Variants in PINK1 observed in about 807,000 individuals in gnomAD.
PINK1 encodes serine/threonine-protein kinase PINK1, mitochondrial.
A neutral mutation model predicts 56.0 loss-of-function variants in PINK1; 58 were observed. The observed-to-expected ratio is 1.04, with a 90% CI of 0.84 to 1.29. The LOEUF is 1.29. PINK1 is among the 50% of genes most tolerant of loss of function. The probability of loss-of-function intolerance (pLI) is 0.00; values close to 1 mark genes in which losing one functional copy is unlikely to be tolerated. For synonymous variants in PINK1, 354 were observed against 339.3 expected (o/e 1.04, Z -0.48); for missense variants, 745 against 777.9 (o/e 0.96, Z 0.50).
In PINK1 at chr1:20,650,437, C is replaced by CCAT. The variant is rs757382757; in HGVS notation, c.1494_1496dup (p.Ser499dup). 6.2e-7 allele frequency: 1 copy of CCAT among 1,613,936 alleles called. No individual in the cohort carries two copies. The highest frequency in any genetic ancestry group is 8.5e-7 in the Non-Finnish European group (1 of 1,179,898). On this transcript the variant is annotated inframe_insertion, in exon 8 of 8. Coordinates refer to ENST00000321556, the MANE Select transcript of PINK1 (RefSeq NM_032409.3). ...ACAGCTTCCCTTCCTGTTGCAGAGA[C>CCAT]CATCTGCCCGAGTAGCCGCAAATGT...
At chr1:20,644,225 C>G (rs1328875216) in intron 3 of PINK1, among the ~76,000 whole-genome samples, 3 of 152,118 alleles carry the variant, frequency 2.0e-5, no homozygotes, top group Admixed American at 2.0e-4. Flanking sequence ...TGTGTTCTGC[C>G]ACATGGGATG....
chr1:20,639,535 T>C, intron 2 of PINK1: 1 of 354,356 alleles, frequency 2.8e-6, no homozygotes, highest in Non-Finnish European at 5.5e-6. Flanking sequence ...GAAGGGAGCC[T>C]GCAGAATGAG....
chr1:20,633,683 T>A lies in PINK1; in HGVS notation c.135T>A (p.Arg45=). ...CGGCGGGCTGTGTCCGCGGGGAGCG[T>A]CCAGGCTGGGCCGCAGGACCGGGCG... The part of the protein sequence containing the change: ...GPAAGCVRGE[R]PGWAAGPGAE... The change falls in exon 1 of 8, where the codon CGT becomes CGA. Residue 45 remains arginine, a synonymous_variant. Transcript: ENST00000321556. 1 of 1,466,166 alleles carries A rather than the reference T, an allele frequency of 6.8e-7. No homozygotes were observed. The highest frequency in any genetic ancestry group is 9.0e-7 in the Non-Finnish European group (1 of 1,116,604). The allele number at this position is 1,466,166 out of a possible 1,614,324, so 90.8% of individuals were successfully genotyped here. A position where few individuals can be genotyped will look rare whatever the true frequency, so the allele number is the denominator to read the frequency against.
At position 20,633,902 on chromosome 1, in the gene PINK1, C is replaced by T. The variant is rs866159295; in HGVS notation, c.354C>T (p.Ser118=). The T allele has an allele frequency of 3.2e-6, 5 of 1,583,932 alleles. No individual in the cohort carries two copies. Among genetic ancestry groups the T allele is most frequent in the African/African-American group, 2.7e-5 (2 of 74,270 alleles). ...LGLIEEKQAE[S]RRAVSACQEI... ...TCATCGAGGAAAAACAGGCGGAGAGCCGGCGGGCGGTCTCGGCCTGTCAGG... is the reference window on the plus strand; with the variant it reads ...TCATCGAGGAAAAACAGGCGGAGAGTCGGCGGGCGGTCTCGGCCTGTCAGG... Residue 118 remains serine (S), a synonymous_variant, in exon 1 of 8, where the codon AGC becomes AGT. Coordinates refer to ENST00000321556, the MANE Select transcript of PINK1 (RefSeq NM_032409.3).
At chr1:20,635,549 C>A (rs1399212318) in intron 1 of PINK1, among the ~76,000 whole-genome samples, 1 of 150,668 alleles carries the variant, frequency 6.6e-6, no homozygotes, top group Non-Finnish European at 1.5e-5. Context: ...GAATTAATTT[C>A]ACATTTAAAA....
chr1:20,638,569 G>A lies in PINK1; in HGVS notation c.675+440G>A, dbSNP rs2053081139. On this transcript the variant is annotated intron_variant, in intron 2 of 7. Coordinates refer to ENST00000321556, the MANE Select transcript of PINK1 (RefSeq NM_032409.3). ...AAGTGGGAGGATCACTTGAGTGCAA[G>A]AGGCAGAGGCTGCAGTGATCCAAGA... is the stretch of plus-strand genomic sequence containing the variant. 8.1e-5 allele frequency: 21 copies of A among 258,252 alleles called. No homozygotes were observed. In the South Asian group the frequency reaches 9.1e-4, roughly 11 times the overall value. The allele number at this position is 258,252 out of a possible 1,614,324, so 16.0% of individuals were successfully genotyped here. A position where few individuals can be genotyped will look rare whatever the true frequency, so the allele number is the denominator to read the frequency against.
At position 20,644,628 on chromosome 1, in the gene PINK1, T is replaced by A. The variant is rs762673179; in HGVS notation, c.915T>A (p.Pro305=). 1 of 1,614,172 alleles carries A rather than the reference T, an allele frequency of 6.2e-7. No homozygotes were observed. The highest frequency in any genetic ancestry group is 8.5e-7 in the Non-Finnish European group (1 of 1,180,028). Residue 305 remains proline, a synonymous_variant, in exon 4 of 8, where the codon CCT becomes CCA. Coordinates refer to ENST00000321556, the MANE Select transcript of PINK1 (RefSeq NM_032409.3). ...ATGTGCTGCCCTCACGCCTCCACCC[T>A]GAAGGCCTGGGCCATGGCCGGACGC... is the stretch of plus-strand genomic sequence containing the variant. The part of the protein sequence containing the change: ...YPDVLPSRLH[P]EGLGHGRTLF...
chr1:20,634,381 TAACC>T (rs2053033598), intron 1 of PINK1, among the ~76,000 whole-genome samples: 1 of 152,224 alleles, frequency 6.6e-6, no homozygotes, highest in South Asian at 2.1e-4. Context: ...CTCCGCCGTT[TAACC>T]AAAGGATTAG....
At chr1:20,646,463 G>A (rs891939710) in intron 5 of PINK1, among the ~76,000 whole-genome samples, 1 of 151,876 alleles carries the variant, frequency 6.6e-6, no homozygotes, top group African/African-American at 2.4e-5. Flanking sequence ...GGCCAACATG[G>A]TGAAACCCCA....
At chr1:20,645,517 C>A in intron 4 of PINK1, 43 bp from the exon 5 acceptor site, 2 of 1,569,608 alleles carry the variant, frequency 1.3e-6, no homozygotes, top group South Asian at 1.1e-5. Context: ...TATTGGGAGT[C>A]GTCGATGTGT....
intron 3 of PINK1, 27 bp from the exon 4 acceptor site, chr1:20,644,463 A>C: frequency 6.2e-7 from 1 of 1,612,252 alleles, no homozygotes; most frequent in Non-Finnish European, 8.5e-7. Flanking sequence ...TGCTGGCCTC[A>C]TATGTTTGTC....
Position 20,643,065 on chromosome 1 carries a change from C to T in PINK1, c.777-1425C>T, listed in dbSNP as rs922545733. ...TTCCTGCTTCCCTTTGGCCTGCTCA[C>T]CTCTGGCTCCTCATGGCCCCAGTGA... On this transcript the variant is annotated intron_variant, in intron 3 of 7. Transcript: ENST00000321556. The T allele has an allele frequency of 2.4e-4, 36 of 152,536 alleles. 1 individual carries two copies. Among genetic ancestry groups the T allele is most frequent in the African/African-American group, 8.2e-4 (34 of 41,598 alleles). The allele number at this position is 152,536 out of a possible 1,614,324, so 9.4% of individuals were successfully genotyped here.
chr1:20,650,687 T>A lies in PINK1; in HGVS notation c.1742T>A (p.Leu581Gln). 1 of 1,613,552 alleles carries A rather than the reference T, an allele frequency of 6.2e-7. No individual in the cohort carries two copies. The highest frequency in any genetic ancestry group is 8.5e-7 in the Non-Finnish European group (1 of 1,180,002). ...CTCCTCTGCTCATGGAGGGCAGCCC[T>A]GTGATGTCCCTGCATGGAGCTGGTG... Reference protein sequence around the residue: ...ALLLCSWRAAL With the variant: ...ALLLCSWRAAQ Residue 581 changes from leucine to glutamine, a missense_variant, in exon 8 of 8, where the codon CTG becomes CAG. Coordinates refer to ENST00000321556, the MANE Select transcript of PINK1 (RefSeq NM_032409.3).
intron 3 of PINK1, among the ~76,000 whole-genome samples, chr1:20,642,307 T>C (rs559676370): frequency 6.6e-6 from 1 of 152,206 alleles, no homozygotes; most frequent in Non-Finnish European, 1.5e-5. Context: ...TCGACTCATA[T>C]GGAGACAGGA....
At chr1:20,639,525 G>A in intron 2 of PINK1, 1 of 345,384 alleles carries the variant, frequency 2.9e-6, no homozygotes, top group South Asian at 2.5e-5. Flanking sequence ...CCTGGCTGCT[G>A]AAGGGAGCCT....
At chr1:20,642,482 C>A (rs1054237245) in intron 3 of PINK1, among the ~76,000 whole-genome samples, 1 of 152,160 alleles carries the variant, frequency 6.6e-6, no homozygotes, top group East Asian at 1.9e-4. Context: ...ACTCATGGGT[C>A]CCCTGTGCAG....
At chr1:20,634,402 CAG>C (rs1202059119) in intron 1 of PINK1, among the ~76,000 whole-genome samples, 1 of 152,174 alleles carries the variant, frequency 6.6e-6, no homozygotes, top group Non-Finnish European at 1.5e-5. Context: ...TTAGTAGTGA[CAG>C]AGCTGAAACC....
Position 20,650,476 on chromosome 1 carries a change from C to A in PINK1, c.1531C>A (p.Leu511Ile). ...AGCCGCAAATGTGCTTCATCTAAGC[C>A]TCTGGGGTGAACATATTCTAGCCCT... ...RVAANVLHLSLWGEHILALKN... is the reference protein window; with the variant it reads ...RVAANVLHLSIWGEHILALKN... Residue 511 changes from leucine (L) to isoleucine (I), a missense_variant, in exon 8 of 8, where the codon CTC (leucine) becomes ATC (isoleucine). Leu to Ile is a conservative substitution (Grantham distance 5, BLOSUM62 2). Coordinates refer to ENST00000321556, the MANE Select transcript of PINK1 (RefSeq NM_032409.3). The A allele has an allele frequency of 6.2e-7, 1 of 1,614,110 alleles. No homozygotes were observed. Among genetic ancestry groups the A allele is most frequent in the Non-Finnish European group, 8.5e-7 (1 of 1,179,970 alleles).
chr1:20,650,803 T>C lies in PINK1; in HGVS notation c.*112T>C. ...GGAGACAAGACAGCGCAGAGAGGGC[T>C]GGTTAGCCGGAAAAGGCCTCGGGCT... On this transcript the variant is annotated 3_prime_UTR_variant, in exon 8 of 8. Transcript: ENST00000321556. 1 of 1,444,802 alleles carries C rather than the reference T, an allele frequency of 6.9e-7. No individual in the cohort carries two copies. The highest frequency in any genetic ancestry group is 1.2e-5 in the South Asian group (1 of 82,082). 89.5% of individuals were successfully genotyped at this position (1,444,802 alleles called of 1,614,324 possible). A position where few individuals can be genotyped will look rare whatever the true frequency, so the allele number is the denominator to read the frequency against.
Sources: allele counts gnomAD v4.1 joint callset (sites outside exome capture counted in the v4.1 genomes callset), GRCh38; gene constraint gnomAD v4.1.1; transcripts MANE v1.5; gene names NCBI Gene and HGNC (gene_info 2026-07-23, HGNC 2026-07-21).